The following CNGA3 variants were observed in gnomAD, a reference collection of about 807,000 sequenced individuals.
CNGA3 encodes cyclic nucleotide-gated channel alpha-3.
In CNGA3, 42 loss-of-function variants were observed where a neutral mutation model predicts 46.6. That is an observed-to-expected ratio of 0.90 (90% CI 0.70 to 1.17). The LOEUF (loss-of-function observed/expected upper bound fraction) is 1.17, where lower values mean the gene tolerates loss of function less well. Among genes scored for constraint, CNGA3 ranks in the 50% most tolerant of loss-of-function variants. The probability of loss-of-function intolerance (pLI) is 0.00; values close to 1 mark genes in which losing one functional copy is unlikely to be tolerated. For missense variants in CNGA3, 893 were observed against 890.7 expected, an observed-to-expected ratio of 1.00 and a Z score of -0.03; for synonymous variants, 394 against 369.4, an observed-to-expected ratio of 1.07 and a Z score of -0.76.
chr2:98,346,570 T>A (rs533048032), intron 1 of CNGA3, 36 bp downstream of exon 1: 3 of 396,762 alleles, frequency 7.6e-6, no homozygotes, highest in Non-Finnish European at 1.3e-5. Flanking sequence ...CTGGAATTTT[T>A]TGGGGGGCGC....
chr2:98,377,034 G>A (rs1419486089), intron 2 of CNGA3, among the ~76,000 whole-genome samples: 1 of 152,186 alleles, frequency 6.6e-6, no homozygotes, highest in African/African-American at 2.4e-5. Context: ...AGGAGAGAGA[G>A]CCTAGAGTTT....
intron 4 of CNGA3, among the ~76,000 whole-genome samples, chr2:98,381,045 G>T (rs1479708760): frequency 1.3e-5 from 2 of 152,162 alleles, no homozygotes; most frequent in African/African-American, 4.8e-5. Context: ...CAGACTGGTA[G>T]CCCCTTACAC....
rs777433824 is a variant in CNGA3, at chr2:98,396,054, C to T, written c.884C>T (p.Thr295Ile). ...FEFFDRTETR[T>I]NYPNMFRIGN... ...TTCTTTGACCGCACAGAGACAAGGA[C>T]CAACTACCCCAATATGTTCAGGATT... The change falls in exon 8 of 8, where the codon ACC becomes ATC. Residue 295 changes from threonine to isoleucine, a missense_variant. Physicochemically the swap from Thr to Ile is moderately conservative, Grantham distance 89. This residue lies in a region of CNGA3 where 548 missense variants were observed against 570.8 expected (regional missense o/e 0.96). Coordinates refer to ENST00000272602, the MANE Select transcript of CNGA3 (RefSeq NM_001298.3). The T allele has an allele frequency of 5.0e-6, 8 of 1,614,184 alleles. No homozygotes were observed. The highest frequency in any genetic ancestry group is 6.8e-6 in the Non-Finnish European group (8 of 1,180,026).
chr2:98,376,717 A>G (rs761761773), intron 2 of CNGA3, among the ~76,000 whole-genome samples: 10 of 152,138 alleles, frequency 6.6e-5, no homozygotes, highest in Admixed American at 2.0e-4. Flanking sequence ...ATTGGGTTGG[A>G]ACAGGTCATG....
intron 1 of CNGA3, among the ~76,000 whole-genome samples, chr2:98,361,864 C>A (rs1351784156): frequency 3.3e-5 from 5 of 151,896 alleles, no homozygotes; most frequent in Non-Finnish European, 7.4e-5. Flanking sequence ...CCCGCCACCA[C>A]CCCCAGAGAA....
intron 7 of CNGA3, among the ~76,000 whole-genome samples, chr2:98,392,915 T>G (rs1163832873): frequency 6.6e-6 from 1 of 152,236 alleles, no homozygotes; most frequent in African/African-American, 2.4e-5. Flanking sequence ...CTTTTTCTAA[T>G]CTGCACAAAG....
chr2:98,388,345 A>C (rs2104225915), intron 5 of CNGA3, among the ~76,000 whole-genome samples: 1 of 152,378 alleles, frequency 6.6e-6, no homozygotes, highest in East Asian at 1.9e-4. Flanking sequence ...TACTGAAGGA[A>C]GCTGCCTCTA....
intron 1 of CNGA3, among the ~76,000 whole-genome samples, chr2:98,352,392 A>T (rs1691787244): frequency 6.6e-6 from 1 of 152,168 alleles, no homozygotes; most frequent in Non-Finnish European, 1.5e-5. Context: ...TCTCTTAGGT[A>T]TAAGCTTAGC....
chr2:98,361,999 G>T (rs1045128024), intron 1 of CNGA3, among the ~76,000 whole-genome samples: 1 of 149,306 alleles, frequency 6.7e-6, no homozygotes, highest in Non-Finnish European at 1.5e-5. Context: ...GAGCCACCGC[G>T]CCCGGCCTTC....
rs76996454 is a variant in CNGA3, at chr2:98,376,678, T to G, written c.102-1009T>G. Among the ~76,000 whole-genome samples, 25 of 152,288 alleles carry G rather than the reference T, an allele frequency of 1.6e-4. No individual in the cohort carries two copies. The East Asian group carries it at 4.8e-3, about 29-fold the overall frequency. ...AGAGACTGAAGCTTTTCCCTGGTAT[T>G]AATTCTTGCCTCCTTGTTAAGAAGG... On this transcript the variant is annotated intron_variant, in intron 2 of 7. Transcript: ENST00000272602.
At chr2:98,349,144 T>C (rs1553446279) in intron 1 of CNGA3, among the ~76,000 whole-genome samples, 1 of 151,496 alleles carries the variant, frequency 6.6e-6, no homozygotes, top group Non-Finnish European at 1.5e-5. Flanking sequence ...TCCTGCATCA[T>C]GGGGGGAGTC....
chr2:98,384,511 A>G (rs1003432513), intron 5 of CNGA3, among the ~76,000 whole-genome samples: 12 of 152,052 alleles, frequency 7.9e-5, no homozygotes, highest in Admixed American at 3.9e-4. Context: ...ACTTTTTTCT[A>G]TTTTCTCCAT....
chr2:98,377,915 A>T, intron 3 of CNGA3, 115 bp downstream of exon 3: 1 of 1,309,248 alleles, frequency 7.6e-7, no homozygotes, highest in South Asian at 1.4e-5. Context: ...TTTGGAAAAG[A>T]AAGGGTCAGG....
chr2:98,371,253 A>T (rs1444149723), intron 2 of CNGA3, among the ~76,000 whole-genome samples: 2 of 152,156 alleles, frequency 1.3e-5, no homozygotes, highest in Admixed American at 6.5e-5. Context: ...TTAAATGCAC[A>T]CTGTCTGATG....
rs781227859 is a variant in CNGA3 at position 98,396,812 on chromosome 2, G to A, written c.1642G>A (p.Gly548Arg). 28 of 1,614,166 alleles carry A rather than the reference G, an allele frequency of 1.7e-5. No individual in the cohort carries two copies. Among genetic ancestry groups the A allele is most frequent in the East Asian group, 4.5e-5 (2 of 44,880 alleles). ...GGTCCTCAGCGATGGCAGCTACTTC[G>A]GGGAGATCAGCATTCTGAACATCAA... ...FVVLSDGSYF[G>R]EISILNIKGS... Residue 548 changes from glycine (G) to arginine (R), a missense_variant, in exon 8 of 8, where the codon GGG (glycine) becomes AGG (arginine). Physicochemically the swap from Gly to Arg is moderately radical, Grantham distance 125. Coordinates refer to ENST00000272602, the MANE Select transcript of CNGA3 (RefSeq NM_001298.3).
At position 98,396,435 on chromosome 2, in the gene CNGA3, A is replaced by T. The variant is rs1368838041; in HGVS notation, c.1265A>T (p.Gln422Leu). The change falls in exon 8 of 8, where the codon CAG (glutamine) becomes CTG (leucine). Residue 422 changes from glutamine to leucine, a missense_variant. Gln to Leu is a moderately radical substitution (Grantham distance 113). Coordinates refer to ENST00000272602, the MANE Select transcript of CNGA3 (RefSeq NM_001298.3). ...EFQAKIDSIK[Q>L]YMQFRKVTKD... is the part of the protein sequence containing the mutation. ...CAGGCCAAGATTGATTCCATCAAGC[A>T]GTACATGCAGTTCCGCAAGGTCACC... 1 of 1,613,918 alleles carries T rather than the reference A, an allele frequency of 6.2e-7. No individual in the cohort carries two copies. The highest frequency in any genetic ancestry group is 1.3e-5 in the African/African-American group (1 of 74,926).
At position 98,370,050 on chromosome 2, in the gene CNGA3, CAATCGCGCTGAA is replaced by C. The variant is rs1692251127; in HGVS notation, c.79_90del (p.Arg27_Asn30del). The C allele has an allele frequency of 1.2e-6, 2 of 1,613,818 alleles. No individual in the cohort carries two copies. The highest frequency in any genetic ancestry group is 2.7e-5 in the African/African-American group (2 of 75,024). ...AGGTAAAGACCTCAGACCGAGATCT[CAATCGCGCTGAA>C]AATGGCCTCAGCAGGTAAGATGGGC... On this transcript the variant is annotated inframe_deletion, in exon 2 of 8. Transcript: ENST00000272602.
chr2:98,394,118 G>A (rs571906525), intron 7 of CNGA3, among the ~76,000 whole-genome samples: 21 of 152,100 alleles, frequency 1.4e-4, no homozygotes, highest in Middle Eastern at 3.4e-3. Flanking sequence ...TCTGTGTTTC[G>A]CACAGCCCTC....
intron 1 of CNGA3, among the ~76,000 whole-genome samples, chr2:98,348,397 A>T (rs1445750921): frequency 6.6e-6 from 1 of 152,128 alleles, no homozygotes; most frequent in Non-Finnish European, 1.5e-5. Context: ...GCCTCTGATT[A>T]ATATTGAGGT....
Sources: gnomAD v4.1 joint callset for allele counts (sites outside exome capture counted in the v4.1 genomes callset) on GRCh38, gnomAD v4.1.1 for gene constraint, gnomAD v4.1.1 regional missense constraint, MANE v1.5 for transcripts, NCBI Gene and HGNC (gene_info 2026-07-23, HGNC 2026-07-21) for gene names.